The following ATXN7L1 variants were observed in gnomAD, a reference collection of about 807,000 sequenced individuals.
ATXN7L1 encodes the protein ataxin-7-like protein 1.
In ATXN7L1, 15 loss-of-function variants were observed where a neutral mutation model predicts 70.8. The observed-to-expected ratio is 0.21, with a 90% CI of 0.14 to 0.33. ATXN7L1 has a LOEUF of 0.33. Ranked by LOEUF, ATXN7L1 falls within the 10% of genes least tolerant of loss-of-function variation. ATXN7L1 has a pLI of 1.00. For missense variants in ATXN7L1, 975 were observed against 1,097.1 expected (o/e 0.89, Z 1.57); for synonymous variants, 440 against 445.1 (o/e 0.99, Z 0.14).
chr7:105,794,857 A>T (rs1805758473), intron 2 of ATXN7L1, among the ~76,000 whole-genome samples: 1 of 152,346 alleles, frequency 6.6e-6, no homozygotes, highest in East Asian at 1.9e-4. Flanking sequence ...TTACTCACAG[A>T]TCAGGCTTGT....
chr7:105,802,849 G>T (rs1807025649), intron 2 of ATXN7L1, among the ~76,000 whole-genome samples: 1 of 152,124 alleles, frequency 6.6e-6, no homozygotes, highest in Non-Finnish European at 1.5e-5. Context: ...ACACAGTTTT[G>T]TTTTTCCTGG....
chr7:105,844,281 A>G (rs1813648039), intron 2 of ATXN7L1, among the ~76,000 whole-genome samples: 2 of 152,198 alleles, frequency 1.3e-5, no homozygotes, highest in African/African-American at 4.8e-5. Flanking sequence ...CCAGACAAAG[A>G]CATCATAAGA....
At chr7:105,742,421 T>C (rs1275677440) in intron 3 of ATXN7L1, among the ~76,000 whole-genome samples, 1 of 152,240 alleles carries the variant, frequency 6.6e-6, no homozygotes, top group African/African-American at 2.4e-5. Context: ...CATTTGCCTT[T>C]TGTACATGAA....
At chr7:105,624,868 T>C (rs1733116922) in intron 7 of ATXN7L1, among the ~76,000 whole-genome samples, 1 of 152,186 alleles carries the variant, frequency 6.6e-6, no homozygotes, top group Non-Finnish European at 1.5e-5. Context: ...GAACATGAGA[T>C]ATGGGAACGT....
chr7:105,711,836 G>A (rs961472466), intron 3 of ATXN7L1, among the ~76,000 whole-genome samples: 15 of 152,356 alleles, frequency 9.8e-5, no homozygotes, highest in Middle Eastern at 3.4e-3. Flanking sequence ...GCCCCAGTGC[G>A]GACTTTGTGT....
At chr7:105,729,823 T>C (rs1348767719) in intron 3 of ATXN7L1, among the ~76,000 whole-genome samples, 6 of 151,634 alleles carry the variant, frequency 4.0e-5, no homozygotes, top group African/African-American at 1.2e-4. Flanking sequence ...CTGCAAGCTC[T>C]GCCTCCCGGG....
chr7:105,614,884 T>C lies in ATXN7L1; in HGVS notation c.1518-68A>G. 1 of 1,490,922 alleles carries C rather than the reference T, an allele frequency of 6.7e-7. No homozygotes were observed. The highest frequency in any genetic ancestry group is 9.0e-7 in the Non-Finnish European group (1 of 1,114,044). 92.4% of individuals were successfully genotyped at this position (1,490,922 alleles called of 1,614,324 possible). A position where few individuals can be genotyped will look rare whatever the true frequency, so the allele number is the denominator to read the frequency against. ...GGTTGGCATTGCTCAGGAGGCTCGATGACGTTTGAGGATCAGGGCTACAGA... is the reference window on the plus strand; with the variant it reads ...GGTTGGCATTGCTCAGGAGGCTCGACGACGTTTGAGGATCAGGGCTACAGA... On this transcript the variant is annotated intron_variant, in intron 9 of 11. Transcript: ENST00000419735. This position sits in a 1 kb window ranked among gnomAD's most constrained non-coding sequence, Gnocchi z 4.3.
At chr7:105,624,997 A>G (rs903236351) in intron 7 of ATXN7L1, among the ~76,000 whole-genome samples, 1 of 152,214 alleles carries the variant, frequency 6.6e-6, no homozygotes, top group Non-Finnish European at 1.5e-5. Flanking sequence ...GTGGAACCTG[A>G]CAGGAAGATC....
intron 2 of ATXN7L1, among the ~76,000 whole-genome samples, chr7:105,812,229 G>A (rs977612847): frequency 6.6e-6 from 1 of 152,194 alleles, no homozygotes; most frequent in African/African-American, 2.4e-5. Flanking sequence ...TGTTGAAACT[G>A]ATGAATCCAA....
At position 105,740,784 on chromosome 7, in the gene ATXN7L1, T is replaced by TTTTTTTTTTTTTTTTTTTTTTGTTTTTTG. The variant is rs556048408; in HGVS notation, c.355+47819_355+47820insCAAAAAACAAAAAAAAAAAAAAAAAAAAA. On this transcript the variant is annotated intron_variant, in intron 3 of 11. Coordinates refer to ENST00000419735, the MANE Select transcript of ATXN7L1 (RefSeq NM_020725.2). ...GGCTCCATTCATTTTTTTTTTTTTTTAATGGAGTCTCACTCTGTCGCCCAG... is the reference window on the plus strand; with the variant it reads ...GGCTCCATTCATTTTTTTTTTTTTTTTTTTTTTTTTTTTTTTTTTTTGTTTTTTGAATGGAGTCTCACTCTGTCGCCCAG... 2.6e-5 allele frequency among the ~76,000 whole-genome samples: 2 copies of TTTTTTTTTTTTTTTTTTTTTTGTTTTTTG among 77,926 alleles called. 1 individual carries two copies. The highest frequency in any genetic ancestry group is 4.6e-5 in the Non-Finnish European group (2 of 43,196). 51.1% of individuals were successfully genotyped at this position (77,926 alleles called of 152,430 possible). A position where few individuals can be genotyped will look rare whatever the true frequency, so the allele number is the denominator to read the frequency against.
chr7:105,628,397 GGTATAT>G (rs1796060640), intron 7 of ATXN7L1, among the ~76,000 whole-genome samples: 2 of 151,976 alleles, frequency 1.3e-5, no homozygotes, highest in Non-Finnish European at 2.9e-5. Context: ...TAGTAGTACA[GGTATAT>G]GTAAGAAAGT....
At chr7:105,767,663 T>C (rs1801458607) in intron 3 of ATXN7L1, among the ~76,000 whole-genome samples, 1 of 152,192 alleles carries the variant, frequency 6.6e-6, no homozygotes, top group Non-Finnish European at 1.5e-5. Flanking sequence ...ATTTTGAGCT[T>C]GATGAAATTG....
chr7:105,615,701 C>CA (rs1158940414), intron 9 of ATXN7L1, among the ~76,000 whole-genome samples: 1 of 152,070 alleles, frequency 6.6e-6, no homozygotes, highest in Non-Finnish European at 1.5e-5. Flanking sequence ...AGAAGGAGAT[C>CA]AGGGATTTCT....
intron 4 of ATXN7L1, among the ~76,000 whole-genome samples, chr7:105,647,126 T>G (rs1274651273): frequency 3.3e-5 from 5 of 152,220 alleles, no homozygotes; most frequent in Admixed American, 3.3e-4. Context: ...GGCAGCCTTC[T>G]CTGATGTATT....
At chr7:105,746,247 T>C (rs1798575091) in intron 3 of ATXN7L1, among the ~76,000 whole-genome samples, 2 of 152,210 alleles carry the variant, frequency 1.3e-5, no homozygotes, top group South Asian at 4.1e-4. Flanking sequence ...GTGTCTACAC[T>C]GTATTGCCTA....
intron 3 of ATXN7L1, among the ~76,000 whole-genome samples, chr7:105,787,872 T>C (rs549764329): frequency 6.6e-6 from 1 of 152,154 alleles, no homozygotes; most frequent in African/African-American, 2.4e-5. Context: ...GCTTTGGAAA[T>C]TGTCTAATCC....
intron 3 of ATXN7L1, among the ~76,000 whole-genome samples, chr7:105,701,529 C>G (rs1792454896): frequency 6.6e-6 from 1 of 151,952 alleles, no homozygotes; most frequent in East Asian, 1.9e-4. Context: ...ATAATAAGAA[C>G]AAAGGCAATT....
In ATXN7L1 at chr7:105,642,851, G is replaced by A. The variant is rs950917669; in HGVS notation, c.849C>T (p.Tyr283=). Residue 283 remains tyrosine, a synonymous_variant, in exon 5 of 12, where the codon TAC becomes TAT. Transcript: ENST00000419735. The part of the protein sequence containing the change: ...QNGTKNSNKP[Y]RRLSEREFDP... ...ACTGACACATACCTGAAAGTCTCCT[G>A]TAAGGCTTGTTGCTGTTTTTGGTGC... is the stretch of plus-strand genomic sequence containing the variant. 23 of 1,551,382 alleles carry A rather than the reference G, an allele frequency of 1.5e-5. No homozygotes were observed. Among genetic ancestry groups the A allele is most frequent in the Non-Finnish European group, 1.6e-5 (18 of 1,146,870 alleles).
chr7:105,710,221 A>C (rs975409335), intron 3 of ATXN7L1, among the ~76,000 whole-genome samples: 1 of 152,134 alleles, frequency 6.6e-6, no homozygotes, highest in Non-Finnish European at 1.5e-5. Flanking sequence ...GCTCTACCTG[A>C]AACTGGGTAA....
Sources: allele counts gnomAD v4.1 joint callset (sites outside exome capture counted in the v4.1 genomes callset), GRCh38; gene constraint gnomAD v4.1.1; non-coding constraint Gnocchi (gnomAD v3.1); transcripts MANE v1.5; gene names NCBI Gene and HGNC (gene_info 2026-07-23, HGNC 2026-07-21).